Variants in CARM1 observed in about 807,000 individuals in gnomAD.
CARM1 encodes coactivator associated arginine methyltransferase 1, also known as histone-arginine methyltransferase CARM1.
Under a neutral mutation model 72.7 loss-of-function variants are expected in CARM1, and 14 were observed. That is an observed-to-expected ratio of 0.19 (90% confidence interval 0.13 to 0.30). The LOEUF is 0.30. Ranked by LOEUF, CARM1 falls within the 10% of genes least tolerant of loss-of-function variation. CARM1 has a pLI of 1.00. For synonymous variants in CARM1, 333 were observed against 345.5 expected (o/e 0.96, Z 0.40); for missense variants, 432 against 833.7 (o/e 0.52, Z 5.93).
In CARM1 at chr19:10,912,887, C is replaced by T. The variant is rs1307172151; in HGVS notation, c.669+593C>T. ...TCCTTCCAGGTCTTCACGTGGCCAA[C>T]GCTGCTGTCCTGAGCCCCTCTCCCA... On this transcript the variant is annotated intron_variant, in intron 5 of 15. Transcript: ENST00000327064. This position sits in a 1 kb window ranked among gnomAD's most constrained non-coding sequence, Gnocchi z 4.5. 1.3e-5 allele frequency among the ~76,000 whole-genome samples: 2 copies of T among 152,220 alleles called. No individual in the cohort carries two copies. The highest frequency in any genetic ancestry group is 1.9e-4 in the East Asian group (1 of 5,196).
chr19:10,919,892 C>T lies in CARM1; in HGVS notation c.1122C>T (p.Phe374=). ...EGDLHRIEIP[F]KFHMLHSGLV... is the part of the protein sequence containing the mutation. ...TGCCTTCCAGGATAGAAATCCCATT[C>T]AAATTCCACATGCTGCATTCAGGGC... The change falls in exon 10 of 16, where the codon TTC becomes TTT. Residue 374 remains phenylalanine, a synonymous_variant. Coordinates refer to ENST00000327064, the MANE Select transcript of CARM1 (RefSeq NM_199141.2). 1.9e-6 allele frequency: 3 copies of T among 1,614,030 alleles called. No individual in the cohort carries two copies. Among genetic ancestry groups the T allele is most frequent in the Non-Finnish European group, 1.7e-6 (2 of 1,179,854 alleles).
chr19:10,904,587 C>T lies in CARM1; in HGVS notation c.221-364C>T, dbSNP rs533446710. Among the ~76,000 whole-genome samples the T allele has an allele frequency of 7.2e-5, 11 of 152,372 alleles. No homozygotes were observed. In the East Asian group the frequency reaches 9.6e-4, roughly 13 times the overall value. ...CTGGCCACATGCAGTCACTGCTCTGCGCCCATCCAAGAACAGAAGGGCTCA... is the reference window on the plus strand; with the variant it reads ...CTGGCCACATGCAGTCACTGCTCTGTGCCCATCCAAGAACAGAAGGGCTCA... On this transcript the variant is annotated intron_variant, in intron 1 of 15. Coordinates refer to ENST00000327064, the MANE Select transcript of CARM1 (RefSeq NM_199141.2).
At chr19:10,878,492 C>T (rs1006874965) in intron 1 of CARM1, among the ~76,000 whole-genome samples, 1 of 152,164 alleles carries the variant, frequency 6.6e-6, no homozygotes, top group Non-Finnish European at 1.5e-5. Context: ...GAAAAGAGTT[C>T]TGTGAGGTCA....
In CARM1 at chr19:10,913,923, C is replaced by T. The variant is rs776086779; in HGVS notation, c.716C>T (p.Pro239Leu). 8.1e-6 allele frequency: 13 copies of T among 1,613,718 alleles called. No individual in the cohort carries two copies. The highest frequency in any genetic ancestry group is 1.1e-5 in the Non-Finnish European group (13 of 1,179,988). ...NNLTDRIVVI[P>L]GKVEEVSLPE... ...CTGACGGACCGCATCGTGGTCATCC[C>T]GGGCAAGGTGGAGGAGGTGTCACTC... is the stretch of plus-strand genomic sequence containing the variant. Residue 239 changes from proline (P) to leucine (L), a missense_variant, in exon 6 of 16, where the codon CCG (proline) becomes CTG (leucine). This residue lies in a region of CARM1 where 152 missense variants were observed against 452.8 expected (regional missense o/e 0.34). Coordinates refer to ENST00000327064, the MANE Select transcript of CARM1 (RefSeq NM_199141.2).
At chr19:10,911,199 C>G (rs2074148027) in intron 4 of CARM1, among the ~76,000 whole-genome samples, 1 of 152,142 alleles carries the variant, frequency 6.6e-6, no homozygotes. Context: ...CCTGTTTTCT[C>G]TTTTGAATCA....
chr19:10,899,910 G>T (rs1337622494), intron 1 of CARM1, among the ~76,000 whole-genome samples: 2 of 151,964 alleles, frequency 1.3e-5, no homozygotes, highest in African/African-American at 4.8e-5. Context: ...TAGTAAAGAC[G>T]GGGTTTTGCC....
chr19:10,874,796 C>T (rs1310867763), intron 1 of CARM1, among the ~76,000 whole-genome samples: 2 of 152,084 alleles, frequency 1.3e-5, no homozygotes, highest in African/African-American at 4.8e-5. Context: ...TTGAGGCAGG[C>T]GAATCACTTG....
At chr19:10,904,286 G>A (rs1467047473) in intron 1 of CARM1, among the ~76,000 whole-genome samples, 2 of 152,240 alleles carry the variant, frequency 1.3e-5, no homozygotes, top group Non-Finnish European at 2.9e-5. Context: ...AGTATGGCAG[G>A]CAGGGGCACA....
At chr19:10,898,058 A>C (rs1337818017) in intron 1 of CARM1, among the ~76,000 whole-genome samples, 1 of 151,200 alleles carries the variant, frequency 6.6e-6, no homozygotes, top group African/African-American at 2.4e-5. Context: ...CAGTGAGCCA[A>C]GATTGCGCCA....
intron 1 of CARM1, among the ~76,000 whole-genome samples, chr19:10,883,490 C>T (rs757769604): frequency 1.2e-4 from 19 of 152,296 alleles, no homozygotes; most frequent in East Asian, 3.9e-4. Flanking sequence ...TCAAGGATCG[C>T]GCAGGGCGGA....
chr19:10,919,506 G>T, intron 8 of CARM1, 89 bp from the exon 9 acceptor site: 1 of 945,238 alleles, frequency 1.1e-6, no homozygotes, highest in African/African-American at 1.6e-5. Flanking sequence ...CCTAGAAGCC[G>T]TGGGCAGACC....
chr19:10,890,027 C>A (rs912642828), intron 1 of CARM1, among the ~76,000 whole-genome samples: 4 of 152,048 alleles, frequency 2.6e-5, no homozygotes, highest in Admixed American at 1.3e-4. Context: ...GCGGGAGGAT[C>A]GCCTAAGGCT....
chr19:10,908,511 C>T (rs940963861), intron 3 of CARM1: 1 of 220,654 alleles, frequency 4.5e-6, no homozygotes, highest in Non-Finnish European at 9.2e-6. Context: ...CTCCCAACAA[C>T]GCTAGGAGGT....
intron 5 of CARM1, among the ~76,000 whole-genome samples, chr19:10,913,428 C>CTCGGGA (rs2074169524): frequency 6.6e-6 from 1 of 151,826 alleles, no homozygotes; most frequent in African/African-American, 2.4e-5. Context: ...GTCCCAGCTA[C>CTCGGGA]TCGGGAGGCT....
chr19:10,886,228 G>A (rs888375359), intron 1 of CARM1, among the ~76,000 whole-genome samples: 1 of 151,576 alleles, frequency 6.6e-6, no homozygotes, highest in Non-Finnish European at 1.5e-5. Flanking sequence ...GGCTAATTGT[G>A]TATTTTTAGT....
intron 4 of CARM1, among the ~76,000 whole-genome samples, chr19:10,911,444 G>C (rs529624496): frequency 6.6e-6 from 1 of 152,202 alleles, no homozygotes; most frequent in African/African-American, 2.4e-5. Flanking sequence ...TCCTCCGTTG[G>C]TGAAGTCCCT....
At position 10,920,723 on chromosome 19, in the gene CARM1, C is replaced by T. The variant is rs2074235659; in HGVS notation, c.1399C>T (p.Leu467=). Residue 467 remains leucine (L), a synonymous_variant, in exon 12 of 16, where the codon CTG becomes TTG. Transcript: ENST00000327064. The surrounding 1 kb of genome is among the most constrained non-coding windows in gnomAD (Gnocchi z 5.3). ...DQTGSKSSNL[L]DLKNPFFRYT... ...GACCGGCTCCAAGTCCAGTAACCTC[C>T]TGGATCTGAAAAACCCCTTCTTTAG... The T allele has an allele frequency of 6.2e-7, 1 of 1,614,136 alleles. No homozygotes were observed. Among genetic ancestry groups the T allele is most frequent in the Non-Finnish European group, 8.5e-7 (1 of 1,179,978 alleles).
At chr19:10,880,564 G>C (rs996509791) in intron 1 of CARM1, among the ~76,000 whole-genome samples, 1 of 146,578 alleles carries the variant, frequency 6.8e-6, no homozygotes, top group Admixed American at 7.0e-5. Context: ...ATGTTGCTCA[G>C]GCGGATGTGG....
rs2074252469 is a variant in CARM1 at position 10,921,626 on chromosome 19, G to A, written c.1696G>A (p.Ala566Thr). ...STGIVQGSSG[A>T]QGSGGGSTSA... ...TGCCTGCTCCACAGGGTCCTCCGGC[G>A]CCCAGGGCAGTGGTGGTGGCAGCAC... The change falls in exon 16 of 16, where the codon GCC becomes ACC. Residue 566 changes from alanine to threonine, a missense_variant. By Grantham distance (58) the Ala-to-Thr change is moderately conservative (BLOSUM62 0). Around this residue, in one of 3 missense-constraint regions of CARM1, gnomAD observed 142 missense variants for 188.7 expected, o/e 0.75. Transcript: ENST00000327064. 9.3e-6 allele frequency: 15 copies of A among 1,611,856 alleles called. No homozygotes were observed. Among genetic ancestry groups the A allele is most frequent in the Admixed American group, 1.7e-5 (1 of 59,828 alleles).
Sources: gnomAD v4.1 joint callset for allele counts (sites outside exome capture counted in the v4.1 genomes callset) on GRCh38, gnomAD v4.1.1 for gene constraint, gnomAD v4.1.1 regional missense constraint, Gnocchi (gnomAD v3.1) non-coding constraint, MANE v1.5 for transcripts, NCBI Gene and HGNC (gene_info 2026-07-23, HGNC 2026-07-21) for gene names.